The following DOC2A variants were observed in gnomAD, a reference collection of about 807,000 sequenced individuals.
The protein encoded by DOC2A is double C2-like domain-containing protein alpha.
DOC2A carries 28 observed loss-of-function variants against 40.6 expected under a neutral mutation model. That is an observed-to-expected ratio of 0.69 (90% CI 0.51 to 0.95). DOC2A has a LOEUF of 0.95. DOC2A is among the 40% of genes least tolerant of loss of function. The probability of loss-of-function intolerance (pLI) is 0.00; values close to 1 mark genes in which losing one functional copy is unlikely to be tolerated. For synonymous variants in DOC2A, 241 were observed against 236.9 expected (o/e 1.02, Z -0.16); for missense variants, 474 against 552.5 (o/e 0.86, Z 1.42).
At position 30,009,108 on chromosome 16, in the gene DOC2A, G is replaced by A; in HGVS notation, c.418-3C>T. On this transcript the variant is annotated splice_region_variant and splice_polypyrimidine_tract_variant and intron_variant, in intron 4 of 10. Coordinates refer to ENST00000350119, the MANE Select transcript of DOC2A (RefSeq NM_003586.3). The surrounding 1 kb of genome is among the most constrained non-coding windows in gnomAD (Gnocchi z 4.1). ...GTCTTCGTTTTTAGCTTATTGGCCT[G>A]GGATGTGGGGATGAAAGGTTCTCAA... 6.2e-7 allele frequency: 1 copy of A among 1,613,466 alleles called. No homozygotes were observed. The highest frequency in any genetic ancestry group is 8.5e-7 in the Non-Finnish European group (1 of 1,179,408).
chr16:30,009,907 G>C lies in DOC2A; in HGVS notation c.262+54C>G. ...GCCCATCCCCCTCTCCCCCCACCAC[G>C]GCAAGCCTGGAGACCCCCACCAGCA... On this transcript the variant is annotated intron_variant, in intron 2 of 10. Coordinates refer to ENST00000350119, the MANE Select transcript of DOC2A (RefSeq NM_003586.3). This position sits in a 1 kb window ranked among gnomAD's most constrained non-coding sequence, Gnocchi z 4.1. The C allele has an allele frequency of 6.8e-7, 1 of 1,475,248 alleles. No individual in the cohort carries two copies. Among genetic ancestry groups the C allele is most frequent in the Non-Finnish European group, 9.1e-7 (1 of 1,096,986 alleles). 91.4% of individuals were successfully genotyped at this position (1,475,248 alleles called of 1,614,324 possible).
At chr16:30,020,263 C>T (rs1203691376) in intron 1 of DOC2A, among the ~76,000 whole-genome samples, 1 of 151,190 alleles carries the variant, frequency 6.6e-6, no homozygotes, top group African/African-American at 2.4e-5. Flanking sequence ...AGGCTGGTCT[C>T]GAACTCCTGG....
upstream of DOC2A, chr16:30,023,115 C>G (rs1005737190): frequency 2.6e-5 from 12 of 459,868 alleles, no homozygotes; most frequent in Non-Finnish European, 4.8e-5. Context: ...CGTGCCGCAT[C>G]CCTCCTCTTT....
intron 1 of DOC2A, among the ~76,000 whole-genome samples, chr16:30,019,342 C>T (rs1376212136): frequency 6.6e-6 from 1 of 152,034 alleles, no homozygotes; most frequent in East Asian, 1.9e-4. Flanking sequence ...TTGAAGAGTC[C>T]ATTAAAGATG....
Position 30,006,073 on chromosome 16 carries a change from A to T in DOC2A, c.*113T>A. On this transcript the variant is annotated 3_prime_UTR_variant, in exon 11 of 11. Coordinates refer to ENST00000350119, the MANE Select transcript of DOC2A (RefSeq NM_003586.3). The surrounding 1 kb of genome is among the most constrained non-coding windows in gnomAD (Gnocchi z 6.2). Reference sequence around the variant, plus strand: ...ACCCGGGTCACGGAGACTCACAAAAATAGGTAGTGCAGGGTGGGGGCAGCC... The same window carrying T: ...ACCCGGGTCACGGAGACTCACAAAATTAGGTAGTGCAGGGTGGGGGCAGCC... 1 of 1,252,074 alleles carries T rather than the reference A, an allele frequency of 8.0e-7. No individual in the cohort carries two copies. Among genetic ancestry groups the T allele is most frequent in the Non-Finnish European group, 1.1e-6 (1 of 923,356 alleles). The allele number at this position is 1,252,074 out of a possible 1,614,324, so 77.6% of individuals were successfully genotyped here. A position where few individuals can be genotyped will look rare whatever the true frequency, so the allele number is the denominator to read the frequency against.
At chr16:30,017,497 T>C (rs1446937926) in intron 1 of DOC2A, among the ~76,000 whole-genome samples, 1 of 152,092 alleles carries the variant, frequency 6.6e-6, no homozygotes, top group African/African-American at 2.4e-5. Context: ...TGCAGCAACA[T>C]GGATGCAGCT....
chr16:30,010,426 G>A lies in DOC2A; in HGVS notation c.-13-191C>T. 3 of 727,610 alleles carry A rather than the reference G, an allele frequency of 4.1e-6. No homozygotes were observed. The highest frequency in any genetic ancestry group is 6.9e-6 in the Non-Finnish European group (3 of 432,558). The allele number at this position is 727,610 out of a possible 1,614,324, so 45.1% of individuals were successfully genotyped here. A position where few individuals can be genotyped will look rare whatever the true frequency, so the allele number is the denominator to read the frequency against. On this transcript the variant is annotated intron_variant, in intron 1 of 10. Transcript: ENST00000350119. The surrounding 1 kb of genome is among the most constrained non-coding windows in gnomAD (Gnocchi z 4.2). ...TGCAGACCCCAAGCTGACTCCACAG[G>A]GGCTGGGCTGCCAACCCACTCCTTG...
upstream of DOC2A, among the ~76,000 whole-genome samples, chr16:30,022,161 C>T (rs1170269370): frequency 7.3e-6 from 1 of 137,804 alleles, no homozygotes; most frequent in Non-Finnish European, 1.5e-5. Flanking sequence ...GCAGGAGAAT[C>T]GCTTGAACCC....
At chr16:30,013,603 C>CAAAAAAAAAAAAAAAAAA (rs61309249), upstream of DOC2A, 34 of 34,878 alleles carry the variant, frequency 9.7e-4, 5 homozygotes, top group African/African-American at 2.8e-3. Flanking sequence ...GACCCTGTCT[C>CAAAAAAAAAAAAAAAAAA]AAAAAAAAAA....
chr16:30,009,862 C>T lies in DOC2A; in HGVS notation c.262+99G>A. 6.9e-7 allele frequency: 1 copy of T among 1,444,930 alleles called. No individual in the cohort carries two copies. Among genetic ancestry groups the T allele is most frequent in the Non-Finnish European group, 9.6e-7 (1 of 1,041,090 alleles). 89.5% of individuals were successfully genotyped at this position (1,444,930 alleles called of 1,614,324 possible). A position where few individuals can be genotyped will look rare whatever the true frequency, so the allele number is the denominator to read the frequency against. ...CCCCCCCACTGCCCTCCTCCCCTAC[C>T]TACATGCACAGCCAGCAGGGCCCAT... On this transcript the variant is annotated intron_variant, in intron 2 of 10. Transcript: ENST00000350119. This position sits in a 1 kb window ranked among gnomAD's most constrained non-coding sequence, Gnocchi z 4.1.
In DOC2A at chr16:30,006,579, C is replaced by T. The variant is rs375978831; in HGVS notation, c.960+17G>A. The T allele has an allele frequency of 1.2e-5, 19 of 1,613,604 alleles. No individual in the cohort carries two copies. In the African/African-American group the frequency reaches 1.3e-4, roughly 11 times the overall value. Reference sequence around the variant, plus strand: ...CCCTCCCTGGCCTCCCTCCATGTCCCGTCCCCTCCTGGGTACCTCGTTAAA... The same window carrying T: ...CCCTCCCTGGCCTCCCTCCATGTCCTGTCCCCTCCTGGGTACCTCGTTAAA... On this transcript the variant is annotated intron_variant, in intron 9 of 10. Transcript: ENST00000350119. This position sits in a 1 kb window ranked among gnomAD's most constrained non-coding sequence, Gnocchi z 6.2.
upstream of DOC2A, among the ~76,000 whole-genome samples, chr16:30,017,026 G>A (rs1279919323): frequency 6.6e-6 from 1 of 152,176 alleles, no homozygotes; most frequent in Non-Finnish European, 1.5e-5. Flanking sequence ...TCTAGGCAGA[G>A]GTGTGTGCCA....
chr16:30,009,601 T>G lies in DOC2A; in HGVS notation c.263-44A>C, dbSNP rs1397754818. The G allele has an allele frequency of 2.6e-6, 4 of 1,517,550 alleles. No homozygotes were observed. The highest frequency in any genetic ancestry group is 3.6e-6 in the Non-Finnish European group (4 of 1,119,952). 94.0% of individuals were successfully genotyped at this position (1,517,550 alleles called of 1,614,324 possible). Reference sequence around the variant, plus strand: ...CAGCATGGGTCGGTATGGAGACAGGTGTGTGCGAGAGGCCAGCAGGTGGGC... The same window carrying G: ...CAGCATGGGTCGGTATGGAGACAGGGGTGTGCGAGAGGCCAGCAGGTGGGC... On this transcript the variant is annotated intron_variant, in intron 2 of 10. Transcript: ENST00000350119. This position sits in a 1 kb window ranked among gnomAD's most constrained non-coding sequence, Gnocchi z 4.1.
At chr16:30,011,950 G>A (rs1441187665), upstream of DOC2A, among the ~76,000 whole-genome samples, 1 of 151,968 alleles carries the variant, frequency 6.6e-6, no homozygotes, top group African/African-American at 2.4e-5. Context: ...GTTCCCCATG[G>A]GCTGCCATTT....
chr16:30,005,906 G>T lies in DOC2A; in HGVS notation c.*280C>A. Reference sequence around the variant, plus strand: ...CAGCGTGGAGAGGCAGGAGTGAGGAGCGCGGGGGCCTGGGGCCGGGCTCTG... The same window carrying T: ...CAGCGTGGAGAGGCAGGAGTGAGGATCGCGGGGGCCTGGGGCCGGGCTCTG... On this transcript the variant is annotated 3_prime_UTR_variant, in exon 11 of 11. Coordinates refer to ENST00000350119, the MANE Select transcript of DOC2A (RefSeq NM_003586.3). 3.8e-6 allele frequency: 2 copies of T among 533,082 alleles called. No homozygotes were observed. The highest frequency in any genetic ancestry group is 3.4e-5 in the Admixed American group (1 of 29,076). The allele number at this position is 533,082 out of a possible 1,614,324, so 33.0% of individuals were successfully genotyped here.
At position 30,009,972 on chromosome 16, in the gene DOC2A, G is replaced by A. The variant is rs775797559; in HGVS notation, c.251C>T (p.Ser84Leu). The A allele has an allele frequency of 1.5e-5, 24 of 1,611,252 alleles. No homozygotes were observed. Among genetic ancestry groups the A allele is most frequent in the East Asian group, 2.2e-5 (1 of 44,876 alleles). Reference sequence around the variant, plus strand: ...GCCCCCAGACTCACTGGCATCATCCGAGTCATAGCTGTCCACCTCCGCACC... The same window carrying A: ...GCCCCCAGACTCACTGGCATCATCCAAGTCATAGCTGTCCACCTCCGCACC... ...EDGAEVDSYD[S>L]DDATALGTLE... Residue 84 changes from serine (S) to leucine (L), a missense_variant, in exon 2 of 11, where the codon TCG (serine) becomes TTG (leucine). By Grantham distance (145) the Ser-to-Leu change is moderately radical. Transcript: ENST00000350119. The surrounding 1 kb of genome is among the most constrained non-coding windows in gnomAD (Gnocchi z 4.1).
rs1456337615 is a variant in DOC2A, at chr16:30,010,546, C to G, written c.-13-311G>C. On this transcript the variant is annotated intron_variant, in intron 1 of 10. Coordinates refer to ENST00000350119, the MANE Select transcript of DOC2A (RefSeq NM_003586.3). The surrounding 1 kb of genome is among the most constrained non-coding windows in gnomAD (Gnocchi z 4.2). The stretch of plus-strand genomic sequence containing the variant: ...GCTCCTTCCTCTCCTCCGGGGCTCC[C>G]CTCTGCTCCTGAGCCTGCCTGTCCC... 1.4e-5 allele frequency: 6 copies of G among 439,194 alleles called. No homozygotes were observed. Among genetic ancestry groups the G allele is most frequent in the African/African-American group, 1.2e-4 (6 of 50,032 alleles). 27.2% of individuals were successfully genotyped at this position (439,194 alleles called of 1,614,324 possible).
In DOC2A at chr16:30,010,553, T is replaced by G; in HGVS notation, c.-13-318A>C. On this transcript the variant is annotated intron_variant, in intron 1 of 10. Transcript: ENST00000350119. This position sits in a 1 kb window ranked among gnomAD's most constrained non-coding sequence, Gnocchi z 4.2. ...CCTCTCCTCCGGGGCTCCCCTCTGC[T>G]CCTGAGCCTGCCTGTCCCCCAAGGG... 2.4e-6 allele frequency: 1 copy of G among 411,984 alleles called. No individual in the cohort carries two copies. The highest frequency in any genetic ancestry group is 2.0e-5 in the African/African-American group (1 of 48,842). The allele number at this position is 411,984 out of a possible 1,614,324, so 25.5% of individuals were successfully genotyped here.
Position 30,010,282 on chromosome 16 carries a change from C to A in DOC2A, c.-13-47G>T. 1 of 1,607,128 alleles carries A rather than the reference C, an allele frequency of 6.2e-7. No homozygotes were observed. The highest frequency in any genetic ancestry group is 8.5e-7 in the Non-Finnish European group (1 of 1,179,580). The stretch of plus-strand genomic sequence containing the variant: ...AGTGAGCCCATCATACCTAGCCATC[C>A]TGGCTGAGGGCCAGGCGACGGCCTC... On this transcript the variant is annotated intron_variant, in intron 1 of 10. Transcript: ENST00000350119. This position sits in a 1 kb window ranked among gnomAD's most constrained non-coding sequence, Gnocchi z 4.2.
Sources: allele counts gnomAD v4.1 joint callset (sites outside exome capture counted in the v4.1 genomes callset), GRCh38; gene constraint gnomAD v4.1.1; non-coding constraint Gnocchi (gnomAD v3.1); transcripts MANE v1.5; gene names NCBI Gene and HGNC (gene_info 2026-07-23, HGNC 2026-07-21).